CSMD1: variants seen among roughly 807,000 people sequenced by gnomAD.
CSMD1 encodes the protein CUB and sushi domain-containing protein 1.
In CSMD1, 213 loss-of-function variants were observed where a neutral mutation model predicts 417.5. The ratio of observed to expected loss-of-function variants is 0.51; its 90% CI spans 0.46 to 0.57. The LOEUF (loss-of-function observed/expected upper bound fraction) is 0.57. Ranked by LOEUF, CSMD1 falls within the 20% of genes least tolerant of loss-of-function variation. The pLI is 0.00. For synonymous variants in CSMD1, 2,862 were observed against 1,736.8 expected (o/e 1.65, Z -16.11); for missense variants, 6,923 against 4,529.7 (o/e 1.53, Z -15.17).
chr8:3,334,949 G>C (rs1026679630), intron 23 of CSMD1, among the ~76,000 whole-genome samples: 2 of 152,194 alleles, frequency 1.3e-5, no homozygotes, highest in Non-Finnish European at 2.9e-5. Flanking sequence ...CTAGTCCAAC[G>C]AGCCTTCTCC....
At chr8:3,812,980 G>C (rs181883386) in intron 5 of CSMD1, among the ~76,000 whole-genome samples, 1 of 152,166 alleles carries the variant, frequency 6.6e-6, no homozygotes, top group Non-Finnish European at 1.5e-5. Context: ...CAATTTCTTG[G>C]GAGGAAATCT....
chr8:3,865,678 A>G (rs1417579667), intron 5 of CSMD1, among the ~76,000 whole-genome samples: 2 of 152,174 alleles, frequency 1.3e-5, no homozygotes, highest in Non-Finnish European at 2.9e-5. Flanking sequence ...AGTACCAGGC[A>G]CTGTTCTAGG....
At chr8:4,090,577 G>A (rs1419975207) in intron 3 of CSMD1, among the ~76,000 whole-genome samples, 9 of 152,126 alleles carry the variant, frequency 5.9e-5, no homozygotes, top group Admixed American at 5.2e-4. Flanking sequence ...AAATATTTAG[G>A]TGTGCTCACC....
At chr8:4,170,560 C>G (rs1017776185) in intron 3 of CSMD1, among the ~76,000 whole-genome samples, 1 of 151,778 alleles carries the variant, frequency 6.6e-6, no homozygotes, top group Non-Finnish European at 1.5e-5. Context: ...GGAACATGGA[C>G]AATGGATGAA....
intron 3 of CSMD1, among the ~76,000 whole-genome samples, chr8:4,176,638 T>C (rs185103571): frequency 1.3e-5 from 2 of 151,430 alleles, no homozygotes; most frequent in African/African-American, 4.9e-5. Flanking sequence ...GACTGGCAAA[T>C]TGGATAAAGA....
At chr8:3,432,196 G>C (rs1361943782) in intron 12 of CSMD1, among the ~76,000 whole-genome samples, 2 of 152,064 alleles carry the variant, frequency 1.3e-5, no homozygotes. Flanking sequence ...ATCAGGAAGA[G>C]GCATGGGTAG....
At chr8:4,254,471 C>T (rs1331908573) in intron 3 of CSMD1, among the ~76,000 whole-genome samples, 2 of 152,138 alleles carry the variant, frequency 1.3e-5, no homozygotes, top group African/African-American at 4.8e-5. Flanking sequence ...TTGCAGCTGT[C>T]ATAATGTTGT....
At chr8:4,258,403 G>C (rs2128838313) in intron 3 of CSMD1, among the ~76,000 whole-genome samples, 1 of 2,934 alleles carries the variant, frequency 3.4e-4, no homozygotes, top group Non-Finnish European at 9.1e-4. Flanking sequence ...TGGAAGGAGG[G>C]AGGGAAGGAG....
At chr8:4,791,118 C>G (rs564130530) in intron 1 of CSMD1, among the ~76,000 whole-genome samples, 1 of 151,758 alleles carries the variant, frequency 6.6e-6, no homozygotes, top group Non-Finnish European at 1.5e-5. Flanking sequence ...GGAGAAGAGA[C>G]GGGGAGGGAG....
Position 4,925,348 on chromosome 8 carries a change from G to C in CSMD1, c.85+68984C>G, listed in dbSNP as rs559892678. Among the ~76,000 whole-genome samples, 7 of 144,386 alleles carry C rather than the reference G, an allele frequency of 4.8e-5. No individual in the cohort carries two copies. The South Asian group carries it at 1.4e-3, about 28-fold the overall frequency. The allele number at this position is 144,386 out of a possible 152,430, so 94.7% of individuals were successfully genotyped here. A position where few individuals can be genotyped will look rare whatever the true frequency, so the allele number is the denominator to read the frequency against. ...TTGACGGGGTCATGTGTTGTCACAT[G>C]ACTCCTGTTGAAACCTGACATTTCT... On this transcript the variant is annotated intron_variant, in intron 1 of 69. Transcript: ENST00000635120.
intron 49 of CSMD1, among the ~76,000 whole-genome samples, chr8:3,066,595 C>T (rs557505564): frequency 6.6e-6 from 1 of 152,172 alleles, no homozygotes; most frequent in Non-Finnish European, 1.5e-5. Context: ...ATTTCAAATA[C>T]AGACAGACAA....
At chr8:4,782,222 T>A (rs551051382) in intron 1 of CSMD1, among the ~76,000 whole-genome samples, 1 of 152,180 alleles carries the variant, frequency 6.6e-6, no homozygotes, top group Non-Finnish European at 1.5e-5. Context: ...CTTAATAATG[T>A]ATATCTCAAA....
At chr8:3,521,317 C>T (rs569697208) in intron 10 of CSMD1, among the ~76,000 whole-genome samples, 4 of 152,248 alleles carry the variant, frequency 2.6e-5, no homozygotes, top group South Asian at 2.1e-4. Context: ...CTCTCAAATT[C>T]ACATGTCTTT....
chr8:4,042,884 T>A (rs1797964438), intron 3 of CSMD1, among the ~76,000 whole-genome samples: 1 of 139,154 alleles, frequency 7.2e-6, no homozygotes, highest in Non-Finnish European at 1.5e-5. Context: ...TCCCAGTACT[T>A]TGGGAGGCTG....
chr8:3,236,661 G>A (rs1398225539), intron 26 of CSMD1, among the ~76,000 whole-genome samples: 1 of 152,192 alleles, frequency 6.6e-6, no homozygotes, highest in Non-Finnish European at 1.5e-5. Flanking sequence ...GTGATTGGCA[G>A]AGCACGCTGT....
chr8:4,242,975 A>G (rs1802491042), intron 3 of CSMD1, among the ~76,000 whole-genome samples: 1 of 152,186 alleles, frequency 6.6e-6, no homozygotes, highest in African/African-American at 2.4e-5. Context: ...TTAAAATTTT[A>G]TGTGTAGTGA....
At position 3,955,408 on chromosome 8, in the gene CSMD1, C is replaced by T. The variant is rs1404151027; in HGVS notation, c.818+42495G>A. ...TTTTCCAAAAATGACTCTAAGCTTC[C>T]ATTTAAGACACAGGTCAACAAATAA... On this transcript the variant is annotated intron_variant, in intron 5 of 69. Transcript: ENST00000635120. 3.3e-5 allele frequency among the ~76,000 whole-genome samples: 5 copies of T among 152,208 alleles called. No individual in the cohort carries two copies. In the East Asian group the frequency reaches 9.6e-4, roughly 29 times the overall value.
At chr8:4,083,479 G>A (rs1307444378) in intron 3 of CSMD1, among the ~76,000 whole-genome samples, 3 of 152,256 alleles carry the variant, frequency 2.0e-5, no homozygotes, top group Non-Finnish European at 4.4e-5. Context: ...CATGGTACTG[G>A]TACCAAAACA....
intron 5 of CSMD1, among the ~76,000 whole-genome samples, chr8:3,853,918 T>A (rs1585094125): frequency 6.8e-6 from 1 of 146,810 alleles, no homozygotes; most frequent in African/African-American, 2.5e-5. Context: ...TACATTAAAG[T>A]ATAATATATT....
Sources: gnomAD v4.1 joint callset for allele counts (sites outside exome capture counted in the v4.1 genomes callset) on GRCh38, gnomAD v4.1.1 for gene constraint, MANE v1.5 for transcripts, NCBI Gene and HGNC (gene_info 2026-07-23, HGNC 2026-07-21) for gene names.